The following LAMB1 variants were observed in gnomAD, a reference collection of about 807,000 sequenced individuals.
LAMB1 encodes laminin subunit beta-1.
Under a neutral mutation model 222.3 loss-of-function variants are expected in LAMB1, and 121 were observed. That is an observed-to-expected ratio of 0.54 (90% CI 0.47 to 0.63). The LOEUF is 0.63. Ranked by LOEUF, LAMB1 falls within the 30% of genes least tolerant of loss-of-function variation. The pLI is 0.00. For synonymous variants in LAMB1, 794 were observed against 807.2 expected (o/e 0.98, Z 0.28); for missense variants, 2,172 against 2,240.8 (o/e 0.97, Z 0.62).
At chr7:108,002,515 C>T in intron 2 of LAMB1, 3 of 1,085,384 alleles carry the variant, frequency 2.8e-6, no homozygotes, top group Non-Finnish European at 3.7e-6. Context: ...CCTCCTCGGT[C>T]AGCACCGCCA....
intron 24 of LAMB1, among the ~76,000 whole-genome samples, chr7:107,941,079 G>T (rs1182813295): frequency 6.6e-6 from 1 of 152,208 alleles, no homozygotes; most frequent in Non-Finnish European, 1.5e-5. Flanking sequence ...TACAAGCAGG[G>T]ATCTTGGGAG....
intron 18 of LAMB1, among the ~76,000 whole-genome samples, chr7:107,960,146 T>G (rs528652301): frequency 2.6e-5 from 4 of 152,196 alleles, no homozygotes; most frequent in Admixed American, 2.6e-4. Flanking sequence ...TTTCAGGTAT[T>G]TGATGCTTCT....
intron 5 of LAMB1, among the ~76,000 whole-genome samples, chr7:107,993,114 A>G (rs888665947): frequency 1.3e-5 from 2 of 152,254 alleles, no homozygotes; most frequent in East Asian, 3.9e-4. Flanking sequence ...TTGTTTTCTC[A>G]TAAACCAGTG....
At chr7:107,969,402 G>C (rs1442967546) in intron 13 of LAMB1, among the ~76,000 whole-genome samples, 2 of 151,848 alleles carry the variant, frequency 1.3e-5, no homozygotes, top group Non-Finnish European at 2.9e-5. Flanking sequence ...TATTACTAAG[G>C]AATTAGGCAG....
chr7:107,994,828 A>AAGGGGACATT, intron 5 of LAMB1, 59 bp downstream of exon 5: 1 of 897,046 alleles, frequency 1.1e-6, no homozygotes. Context: ...TCCATTTTGA[A>AAGGGGACATT]AGGGGACATT....
At chr7:107,996,823 T>A (rs966526802) in intron 4 of LAMB1, among the ~76,000 whole-genome samples, 1 of 152,212 alleles carries the variant, frequency 6.6e-6, no homozygotes, top group Admixed American at 6.5e-5. Context: ...TCCATCCTAA[T>A]GTTGAGGCAT....
Position 107,979,251 on chromosome 7 carries a change from G to A in LAMB1, c.880-1084C>T, listed in dbSNP as rs183455916. Among the ~76,000 whole-genome samples, 167 of 152,298 alleles carry A rather than the reference G, an allele frequency of 1.1e-3. 2 individuals are homozygous for A. The South Asian group carries it at 0.028, about 25-fold the overall frequency. The stretch of plus-strand genomic sequence containing the variant: ...AATACCTCCCTCCCCTTCAGGCTCC[G>A]TCAAAAATTCAACTTCTGTTGTGCA... On this transcript the variant is annotated intron_variant, in intron 8 of 33. Transcript: ENST00000222399.
Position 107,961,106 on chromosome 7 carries a change from C to T in LAMB1, c.2109+100G>A, listed in dbSNP as rs759785022. 1.0e-5 allele frequency: 14 copies of T among 1,349,122 alleles called. No individual in the cohort carries two copies. The East Asian group carries it at 2.3e-4, about 22-fold the overall frequency. 83.6% of individuals were successfully genotyped at this position (1,349,122 alleles called of 1,614,324 possible). On this transcript the variant is annotated intron_variant, in intron 17 of 33. Transcript: ENST00000222399. ...AGGCAAGAAAGAATGATTCTGCTTA[C>T]GCTGGCCTCAGCATTACCCCTCAAC... is the stretch of plus-strand genomic sequence containing the variant.
At chr7:107,963,308 G>C (rs1456219386) in intron 14 of LAMB1, among the ~76,000 whole-genome samples, 1 of 152,066 alleles carries the variant, frequency 6.6e-6, no homozygotes. Flanking sequence ...CAAAGGCTTG[G>C]GATATACCTT....
At chr7:107,944,973 G>T (rs958099215) in intron 24 of LAMB1, among the ~76,000 whole-genome samples, 6 of 152,200 alleles carry the variant, frequency 3.9e-5, no homozygotes, top group Non-Finnish European at 7.3e-5. Flanking sequence ...CTTATTTTAA[G>T]AAATGGGATT....
intron 32 of LAMB1, among the ~76,000 whole-genome samples, 156 bp from the exon 33 acceptor site, chr7:107,924,545 T>C (rs1403846432): frequency 1.3e-5 from 2 of 152,222 alleles, no homozygotes; most frequent in African/African-American, 4.8e-5. Context: ...AACAGTGGAA[T>C]TGAATGCAAA....
intron 27 of LAMB1, among the ~76,000 whole-genome samples, chr7:107,934,660 C>G (rs1374920163): frequency 2.0e-5 from 3 of 152,070 alleles, no homozygotes; most frequent in Non-Finnish European, 2.9e-5. Context: ...TAGCTAATAC[C>G]CGTGAAAAAA....
intron 5 of LAMB1, among the ~76,000 whole-genome samples, chr7:107,988,900 C>T (rs2034131290): frequency 6.6e-6 from 1 of 152,208 alleles, no homozygotes; most frequent in African/African-American, 2.4e-5. Context: ...AGACACATTT[C>T]TGTTGTTTAA....
At chr7:107,992,693 C>T (rs1024185847) in intron 5 of LAMB1, among the ~76,000 whole-genome samples, 5 of 152,094 alleles carry the variant, frequency 3.3e-5, no homozygotes, top group South Asian at 4.1e-4. Flanking sequence ...GTTAGGAGTT[C>T]GAGACCAGCC....
Position 107,978,048 on chromosome 7 carries a change from T to C in LAMB1, c.999A>G (p.Lys333=). The C allele has an allele frequency of 2.5e-6, 4 of 1,614,160 alleles. No homozygotes were observed. Among genetic ancestry groups the C allele is most frequent in the Middle Eastern group, 1.6e-4 (1 of 6,062 alleles). The part of the protein sequence containing the change: ...PAEGRNSNAC[K]KCNCNEHSIS... ...AATGTCCCTTCAACACAGACTTACT[T>C]TTACAGGCGTTGCTGTTTCGGCCTT... Residue 333 remains lysine (K), a splice_region_variant and synonymous_variant, in exon 9 of 34, where the codon AAA becomes AAG. Coordinates refer to ENST00000222399, the MANE Select transcript of LAMB1 (RefSeq NM_002291.3).
intron 9 of LAMB1, among the ~76,000 whole-genome samples, chr7:107,977,816 AC>A (rs1563000743): frequency 6.6e-6 from 1 of 152,156 alleles, no homozygotes; most frequent in Admixed American, 6.5e-5. Flanking sequence ...TTAGTTTTCT[AC>A]TGTAGCTGCC....
At chr7:107,952,908 C>G (rs1043876754) in intron 22 of LAMB1, among the ~76,000 whole-genome samples, 1 of 152,170 alleles carries the variant, frequency 6.6e-6, no homozygotes, top group Non-Finnish European at 1.5e-5. Context: ...TCCATCCAAC[C>G]AGCAAGTTCA....
intron 5 of LAMB1, among the ~76,000 whole-genome samples, chr7:107,990,972 C>T (rs2034170701): frequency 1.3e-5 from 2 of 152,184 alleles, no homozygotes; most frequent in East Asian, 1.9e-4. Flanking sequence ...CCCAACATGC[C>T]CTTTATTCTC....
At chr7:108,000,464 C>A (rs2034360685) in intron 3 of LAMB1, among the ~76,000 whole-genome samples, 1 of 152,210 alleles carries the variant, frequency 6.6e-6, no homozygotes. Context: ...TGACCATGTT[C>A]TGAGCAATTA....
Sources: gnomAD v4.1 joint callset for allele counts (sites outside exome capture counted in the v4.1 genomes callset) on GRCh38, gnomAD v4.1.1 for gene constraint, MANE v1.5 for transcripts, NCBI Gene and HGNC (gene_info 2026-07-23, HGNC 2026-07-21) for gene names.